Variants in CCDC102B observed in about 807,000 individuals in gnomAD.
CCDC102B encodes the protein coiled-coil domain-containing protein 102B.
CCDC102B carries 75 observed loss-of-function variants against 57.4 expected under a neutral mutation model. That is an observed-to-expected ratio of 1.31 (90% confidence interval 1.08 to 1.58). The LOEUF (loss-of-function observed/expected upper bound fraction) is 1.58, where lower values mean the gene tolerates loss of function less well. Among genes scored for constraint, CCDC102B ranks in the 40% most tolerant of loss-of-function variants. The probability of loss-of-function intolerance (pLI) is 0.00; values close to 1 mark genes in which losing one functional copy is unlikely to be tolerated. For missense variants in CCDC102B, 636 were observed against 582.6 expected, an observed-to-expected ratio of 1.09 and a Z score of -0.94; for synonymous variants, 206 against 201.9, an observed-to-expected ratio of 1.02 and a Z score of -0.17.
chr18:68,974,451 G>A lies in CCDC102B; in HGVS notation c.1264-36483G>A, dbSNP rs932069002. 3.3e-5 allele frequency among the ~76,000 whole-genome samples: 5 copies of A among 152,050 alleles called. No individual in the cohort carries two copies. In the East Asian group the frequency reaches 9.7e-4, roughly 29 times the overall value. ...GGTATTGTTGAAAGCAGCACAAAAT[G>A]CACTAAGATATTATTTTAATATTAT... On this transcript the variant is annotated intron_variant, in intron 6 of 7. Coordinates refer to ENST00000360242, the MANE Select transcript of CCDC102B (RefSeq NM_024781.3).
intron 2 of CCDC102B, among the ~76,000 whole-genome samples, chr18:68,727,059 C>T (rs2032629143): frequency 6.6e-6 from 1 of 152,160 alleles, no homozygotes; most frequent in East Asian, 1.9e-4. Flanking sequence ...TTATCATCTA[C>T]TTTGGGATAC....
intron 4 of CCDC102B, among the ~76,000 whole-genome samples, chr18:68,852,253 TTTC>T (rs2038162958): frequency 6.6e-6 from 1 of 152,192 alleles, no homozygotes; most frequent in Non-Finnish European, 1.5e-5. Context: ...ACTCATTTTT[TTTC>T]TTCTTTTACT....
chr18:68,952,757 T>G (rs752223040), intron 6 of CCDC102B, among the ~76,000 whole-genome samples: 5 of 152,170 alleles, frequency 3.3e-5, no homozygotes, highest in Non-Finnish European at 7.4e-5. Context: ...TAATGCCAAA[T>G]GCCATCAAGA....
At chr18:68,734,027 G>T (rs1243641792) in intron 2 of CCDC102B, among the ~76,000 whole-genome samples, 2 of 152,172 alleles carry the variant, frequency 1.3e-5, no homozygotes, top group African/African-American at 4.8e-5. Context: ...TTAGAATGAA[G>T]ATTTATCATG....
intron 7 of CCDC102B, among the ~76,000 whole-genome samples, chr18:69,034,200 A>G (rs1308273196): frequency 6.6e-6 from 1 of 151,900 alleles, no homozygotes; most frequent in Non-Finnish European, 1.5e-5. Context: ...TGAAGCTTAC[A>G]ACTTTTAAAT....
intron 6 of CCDC102B, among the ~76,000 whole-genome samples, chr18:69,008,330 G>A (rs535573646): frequency 3.3e-4 from 50 of 152,246 alleles, no homozygotes; most frequent in African/African-American, 1.2e-3. Context: ...ACTCAGTGAT[G>A]GTGCATAAAC....
chr18:69,033,710 T>C (rs922367156), intron 7 of CCDC102B, among the ~76,000 whole-genome samples: 1 of 152,044 alleles, frequency 6.6e-6, no homozygotes, highest in Non-Finnish European at 1.5e-5. Flanking sequence ...GTATGTTTTT[T>C]TTTCCCTTGG....
At chr18:68,816,217 C>A (rs1341362831) in intron 1 of CCDC102B, among the ~76,000 whole-genome samples, 1 of 152,104 alleles carries the variant, frequency 6.6e-6, no homozygotes, top group East Asian at 1.9e-4. Flanking sequence ...GCCACAAATC[C>A]ATCATGTACA....
At chr18:68,858,330 T>A (rs2144868815) in intron 4 of CCDC102B, among the ~76,000 whole-genome samples, 1 of 152,350 alleles carries the variant, frequency 6.6e-6, no homozygotes, top group African/African-American at 2.4e-5. Context: ...ACACTTTTCT[T>A]GATCACTGGT....
chr18:68,896,062 T>G (rs2040230698), intron 5 of CCDC102B, among the ~76,000 whole-genome samples: 1 of 151,990 alleles, frequency 6.6e-6, no homozygotes. Context: ...GTTGTCTACA[T>G]TGGGGTAGAT....
At chr18:68,829,417 A>G (rs1047504952) in intron 1 of CCDC102B, among the ~76,000 whole-genome samples, 15 of 151,982 alleles carry the variant, frequency 9.9e-5, no homozygotes, top group Non-Finnish European at 2.9e-5. Flanking sequence ...AGTTTAGCCA[A>G]ATTAGATTAT....
At chr18:68,837,437 A>C in intron 2 of CCDC102B, 68 bp downstream of exon 2, 1 of 1,456,400 alleles carries the variant, frequency 6.9e-7, no homozygotes, top group South Asian at 1.3e-5. Flanking sequence ...AGGAAGAAGG[A>C]AGTGACAAAT....
chr18:68,830,436 C>A (rs1431209446), intron 1 of CCDC102B, among the ~76,000 whole-genome samples: 1 of 151,726 alleles, frequency 6.6e-6, no homozygotes, highest in Non-Finnish European at 1.5e-5. Context: ...AATATTTTGG[C>A]TTTTTTATTT....
chr18:69,024,396 C>T (rs2051928179), intron 7 of CCDC102B, among the ~76,000 whole-genome samples: 1 of 151,988 alleles, frequency 6.6e-6, no homozygotes, highest in South Asian at 2.1e-4. Flanking sequence ...TTTTATCTTA[C>T]ATTACAATAA....
At chr18:68,844,141 CTA>C (rs2037753369) in intron 3 of CCDC102B, among the ~76,000 whole-genome samples, 2 of 151,898 alleles carry the variant, frequency 1.3e-5, no homozygotes, top group South Asian at 2.1e-4. Context: ...AAGGAGGTAA[CTA>C]TTACTTTCTT....
chr18:68,935,167 T>C (rs1004778755), intron 6 of CCDC102B, among the ~76,000 whole-genome samples: 3 of 151,964 alleles, frequency 2.0e-5, no homozygotes, highest in African/African-American at 7.2e-5. Context: ...GGGAACATTT[T>C]GCCAATCAGA....
intron 2 of CCDC102B, among the ~76,000 whole-genome samples, chr18:68,736,601 T>C (rs1164268313): frequency 1.3e-5 from 2 of 152,206 alleles, no homozygotes; most frequent in Non-Finnish European, 2.9e-5. Flanking sequence ...TTTCTTTACA[T>C]GTTTTTATTT....
At chr18:68,841,896 T>C (rs1441806468) in intron 3 of CCDC102B, among the ~76,000 whole-genome samples, 1 of 151,960 alleles carries the variant, frequency 6.6e-6, no homozygotes, top group Admixed American at 6.6e-5. Context: ...CACGCCTGGC[T>C]AATTTTTTAT....
intron 5 of CCDC102B, among the ~76,000 whole-genome samples, chr18:68,888,459 C>T (rs2039964801): frequency 6.6e-6 from 1 of 152,158 alleles, no homozygotes; most frequent in Non-Finnish European, 1.5e-5. Flanking sequence ...AGAATTAAGT[C>T]TAGACCAGGA....
Sources: allele counts gnomAD v4.1 joint callset (sites outside exome capture counted in the v4.1 genomes callset), GRCh38; gene constraint gnomAD v4.1.1; transcripts MANE v1.5; gene names NCBI Gene and HGNC (gene_info 2026-07-23, HGNC 2026-07-21).